TRIM8: variants seen among roughly 807,000 people sequenced by gnomAD.
TRIM8 encodes the protein tripartite motif containing 8, also known as E3 ubiquitin-protein ligase TRIM8.
In TRIM8, 9 loss-of-function variants were observed where a neutral mutation model predicts 55.7. The ratio of observed to expected loss-of-function variants is 0.16; its 90% confidence interval spans 0.10 to 0.28. TRIM8 has a LOEUF of 0.28. Ranked by LOEUF, TRIM8 falls within the 10% of genes least tolerant of loss-of-function variation. The pLI is 1.00. For missense variants in TRIM8, 556 were observed against 736.4 expected (o/e 0.76, Z 2.83); for synonymous variants, 335 against 333.3 (o/e 1.01, Z -0.06).
chr10:102,657,209 A>T lies in TRIM8; in HGVS notation c.1511A>T (p.His504Leu), dbSNP rs1384870798. Residue 504 changes from histidine (H) to leucine (L), a missense_variant, in exon 6 of 6, where the codon CAC (histidine) becomes CTC (leucine). His to Leu is a moderately conservative substitution (Grantham distance 99, BLOSUM62 -3). Coordinates refer to ENST00000643721, the MANE Select transcript of TRIM8 (RefSeq NM_030912.3). Reference sequence around the variant, plus strand: ...ACAGTGCCCTCGCAGGAGTACTCACACCCGCTCCCGCCCACACCCTCCGTC... The same window carrying T: ...ACAGTGCCCTCGCAGGAGTACTCACTCCCGCTCCCGCCCACACCCTCCGTC... ...PWTVPSQEYS[H>L]PLPPTPSVPQ... is the part of the protein sequence containing the mutation. 6.2e-7 allele frequency: 1 copy of T among 1,612,984 alleles called. No individual in the cohort carries two copies. Among genetic ancestry groups the T allele is most frequent in the Admixed American group, 1.7e-5 (1 of 59,928 alleles).
Position 102,644,536 on chromosome 10 carries a change from G to A in TRIM8, c.-82G>A, listed in dbSNP as rs1219195414. On this transcript the variant is annotated 5_prime_UTR_variant, in exon 1 of 6. Transcript: ENST00000643721. The stretch of plus-strand genomic sequence containing the variant: ...CGGCTGGGGCCGGAGCTCGGGGCTC[G>A]GTGGGCCTACAGCGGCTCCGGACGG... 3.6e-6 allele frequency: 5 copies of A among 1,370,740 alleles called. No individual in the cohort carries two copies. Among genetic ancestry groups the A allele is most frequent in the Non-Finnish European group, 4.9e-6 (5 of 1,015,004 alleles). 84.9% of individuals were successfully genotyped at this position (1,370,740 alleles called of 1,614,324 possible). A position where few individuals can be genotyped will look rare whatever the true frequency, so the allele number is the denominator to read the frequency against.
At position 102,657,738 on chromosome 10, in the gene TRIM8, A is replaced by C. The variant is rs2064040258; in HGVS notation, c.*384A>C. 1.8e-5 allele frequency: 3 copies of C among 171,050 alleles called. No homozygotes were observed. Among genetic ancestry groups the C allele is most frequent in the South Asian group, 1.7e-4 (1 of 5,888 alleles). 10.6% of individuals were successfully genotyped at this position (171,050 alleles called of 1,614,324 possible). On this transcript the variant is annotated 3_prime_UTR_variant, in exon 6 of 6. Coordinates refer to ENST00000643721, the MANE Select transcript of TRIM8 (RefSeq NM_030912.3). ...AAAGCTTGGGGGTCCCACCCTTCTT[A>C]CCCCACCCGGGAGGAACGCCCAGGG...
At chr10:102,649,142 C>A (rs1428798970) in intron 1 of TRIM8, 1 of 152,292 alleles carries the variant, frequency 6.6e-6, no homozygotes, top group Non-Finnish European at 1.5e-5. Context: ...TGAGAAGGCG[C>A]AGCCTGCCTG....
intron 1 of TRIM8, chr10:102,649,398 T>G (rs1384742993): frequency 5.3e-5 from 8 of 152,204 alleles, no homozygotes; most frequent in Admixed American, 3.3e-4. Flanking sequence ...GTGGCGGGTA[T>G]TGGAGGCAGG....
chr10:102,652,554 A>G (rs1315828132), intron 1 of TRIM8, among the ~76,000 whole-genome samples: 2 of 152,208 alleles, frequency 1.3e-5, no homozygotes, highest in Non-Finnish European at 2.9e-5. Flanking sequence ...CAGGCCGCCC[A>G]GGCCTTTGTG....
chr10:102,657,288 G>T lies in TRIM8; in HGVS notation c.1590G>T (p.Gln530His). ...AVRDWLDASQ[Q>H]PGHQDFYRVY... Reference sequence around the variant, plus strand: ...GAGACTGGCTTGACGCCTCCCAGCAGCCCGGCCACCAGGATTTCTACAGGG... The same window carrying T: ...GAGACTGGCTTGACGCCTCCCAGCATCCCGGCCACCAGGATTTCTACAGGG... Residue 530 changes from glutamine (Q) to histidine (H), a missense_variant, in exon 6 of 6, where the codon CAG (glutamine) becomes CAT (histidine). This residue lies in a region of TRIM8 where 391 missense variants were observed against 441.0 expected (regional missense o/e 0.89). Transcript: ENST00000643721. 1 of 1,613,334 alleles carries T rather than the reference G, an allele frequency of 6.2e-7. No homozygotes were observed. Among genetic ancestry groups the T allele is most frequent in the Non-Finnish European group, 8.5e-7 (1 of 1,179,628 alleles).
At chr10:102,645,355 A>T (rs1295926436) in intron 1 of TRIM8, 168 bp downstream of exon 1, 2 of 721,248 alleles carry the variant, frequency 2.8e-6, no homozygotes, top group Non-Finnish European at 2.1e-6. Context: ...TCCTGGGAAG[A>T]AGGGCCCCGG....
intron 1 of TRIM8, among the ~76,000 whole-genome samples, chr10:102,647,126 A>G (rs2063942695): frequency 6.6e-6 from 1 of 152,182 alleles, no homozygotes; most frequent in African/African-American, 2.4e-5. Context: ...ATGTGCATGC[A>G]GAGTATTCCC....
chr10:102,655,882 G>A (rs1437518861), intron 3 of TRIM8, among the ~76,000 whole-genome samples: 1 of 152,204 alleles, frequency 6.6e-6, no homozygotes, highest in Non-Finnish European at 1.5e-5. Flanking sequence ...AGTTATGGAT[G>A]CACAGAAAGC....
chr10:102,654,762 A>G lies in TRIM8; in HGVS notation c.666+14A>G. The G allele has an allele frequency of 6.2e-7, 1 of 1,605,652 alleles. No homozygotes were observed. Among genetic ancestry groups the G allele is most frequent in the Non-Finnish European group, 8.5e-7 (1 of 1,172,216 alleles). ...CGCCTGGTGGAGGTAGCTAAGCCCA[A>G]GGCCATGCTGCGGGGTGGGGGTGGC... On this transcript the variant is annotated intron_variant, in intron 2 of 5. Coordinates refer to ENST00000643721, the MANE Select transcript of TRIM8 (RefSeq NM_030912.3).
At chr10:102,654,416 A>C in intron 1 of TRIM8, 1 of 427,022 alleles carries the variant, frequency 2.3e-6, no homozygotes, top group Non-Finnish European at 4.3e-6. Flanking sequence ...CAGCCTGGGC[A>C]ACAGAGTGAG....
At position 102,658,148 on chromosome 10, in the gene TRIM8, G is replaced by C. The variant is rs2064044089; in HGVS notation, c.*794G>C. 1.3e-5 allele frequency: 2 copies of C among 152,104 alleles called. No homozygotes were observed. The highest frequency in any genetic ancestry group is 4.1e-4 in the South Asian group (2 of 4,824). 9.4% of individuals were successfully genotyped at this position (152,104 alleles called of 1,614,324 possible). On this transcript the variant is annotated 3_prime_UTR_variant, in exon 6 of 6. Coordinates refer to ENST00000643721, the MANE Select transcript of TRIM8 (RefSeq NM_030912.3). Reference sequence around the variant, plus strand: ...CCTTGTTGAGGTCAGCAGGGAGGAGGGGCTGCCCGGAGTTGGGTCCTTGCC... The same window carrying C: ...CCTTGTTGAGGTCAGCAGGGAGGAGCGGCTGCCCGGAGTTGGGTCCTTGCC...
intron 1 of TRIM8, among the ~76,000 whole-genome samples, chr10:102,649,849 A>T (rs1288853561): frequency 6.6e-6 from 1 of 151,594 alleles, no homozygotes; most frequent in Admixed American, 6.6e-5. Flanking sequence ...AGCTTTTCTG[A>T]GGAAAGGGGA....
At chr10:102,652,341 G>A (rs2063992068) in intron 1 of TRIM8, among the ~76,000 whole-genome samples, 1 of 152,120 alleles carries the variant, frequency 6.6e-6, no homozygotes, top group African/African-American at 2.4e-5. Flanking sequence ...GCTTGTCTTC[G>A]GGGAGCCAGC....
rs1257902905 is a variant in TRIM8, at chr10:102,650,303, AGG to A, written c.571-4347_571-4346del. ...TGAGGCTTTCCTGGGGCAGGAATGT[AGG>A]GGCTCAGGGTTCGCTGCTCCAGGCC... On this transcript the variant is annotated intron_variant, in intron 1 of 5. Transcript: ENST00000643721. Among the ~76,000 whole-genome samples the A allele has an allele frequency of 3.3e-5, 5 of 152,170 alleles. No individual in the cohort carries two copies. The East Asian group carries it at 9.6e-4, about 29-fold the overall frequency.
chr10:102,648,225 T>A (rs933856549), intron 1 of TRIM8, among the ~76,000 whole-genome samples: 2 of 152,124 alleles, frequency 1.3e-5, no homozygotes, highest in African/African-American at 4.8e-5. Context: ...GTTCAGGGGT[T>A]CATCTAAGCA....
At chr10:102,651,314 C>T (rs1329461094) in intron 1 of TRIM8, among the ~76,000 whole-genome samples, 2 of 152,188 alleles carry the variant, frequency 1.3e-5, no homozygotes, top group Admixed American at 6.5e-5. Flanking sequence ...GAGGAAAGCC[C>T]GGAAGAAGAG....
chr10:102,649,742 C>T (rs1329229857), intron 1 of TRIM8, among the ~76,000 whole-genome samples: 1 of 152,256 alleles, frequency 6.6e-6, no homozygotes, highest in East Asian at 1.9e-4. Context: ...GAGCCCCTTC[C>T]CTCTGCAGCT....
Position 102,645,171 on chromosome 10 carries a change from G to A in TRIM8, c.554G>A (p.Arg185Gln), listed in dbSNP as rs1214905222. The A allele has an allele frequency of 6.4e-7, 1 of 1,552,818 alleles. No homozygotes were observed. The highest frequency in any genetic ancestry group is 8.7e-7 in the Non-Finnish European group (1 of 1,155,952). Residue 185 changes from arginine (R) to glutamine (Q), a missense_variant, in exon 1 of 6, where the codon CGA becomes CAA. By Grantham distance (43) the Arg-to-Gln change is conservative. Around this residue, in one of 2 missense-constraint regions of TRIM8, gnomAD observed 165 missense variants for 295.3 expected, o/e 0.56. Coordinates refer to ENST00000643721, the MANE Select transcript of TRIM8 (RefSeq NM_030912.3). ...QGHSVCDVEIRRNEIRKMLMK... is the reference protein window; with the variant it reads ...QGHSVCDVEIQRNEIRKMLMK... ...CACTCGGTGTGCGACGTGGAGATCC[G>A]AAGGAATGAAATCCGGGCAAGTACC...
Sources: gnomAD v4.1 joint callset for allele counts (sites outside exome capture counted in the v4.1 genomes callset) on GRCh38, gnomAD v4.1.1 for gene constraint, gnomAD v4.1.1 regional missense constraint, MANE v1.5 for transcripts, NCBI Gene and HGNC (gene_info 2026-07-23, HGNC 2026-07-21) for gene names.